Variants in FRMPD2 observed in about 807,000 individuals in gnomAD.
FRMPD2 encodes FERM and PDZ domain-containing protein 2.
In FRMPD2, 96 loss-of-function variants were observed where a neutral mutation model predicts 140.1. The observed-to-expected ratio is 0.69, with a 90% CI of 0.58 to 0.81. The LOEUF (loss-of-function observed/expected upper bound fraction) is 0.81. Among genes scored for constraint, FRMPD2 ranks in the 40% least tolerant of loss-of-function variants. The pLI is 0.00. For synonymous variants in FRMPD2, 449 were observed against 547.6 expected (o/e 0.82, Z 2.52); for missense variants, 1,240 against 1,447.4 (o/e 0.86, Z 2.32).
intron 12 of FRMPD2, among the ~76,000 whole-genome samples, chr10:48,214,939 T>A (rs1051462268): frequency 1.3e-5 from 2 of 152,218 alleles, no homozygotes. Flanking sequence ...GCAAATTGAA[T>A]GTGGTGAAGT....
At chr10:48,273,184 A>AT (rs1370392247) in intron 1 of FRMPD2, among the ~76,000 whole-genome samples, 3 of 152,122 alleles carry the variant, frequency 2.0e-5, no homozygotes, top group Non-Finnish European at 2.9e-5. Flanking sequence ...CCTTCTCTAC[A>AT]TTCCACTGTT....
chr10:48,164,404 G>A (rs1408547843), intron 27 of FRMPD2, among the ~76,000 whole-genome samples: 5 of 150,154 alleles, frequency 3.3e-5, no homozygotes, highest in South Asian at 4.2e-4. Flanking sequence ...TCTTTAACAT[G>A]TGTTCATTTT....
In FRMPD2 at chr10:48,206,969, C is replaced by A. The variant is rs770485197; in HGVS notation, c.1612-36G>T. On this transcript the variant is annotated intron_variant, in intron 13 of 28. Coordinates refer to ENST00000374201, the MANE Select transcript of FRMPD2 (RefSeq NM_001018071.4). The stretch of plus-strand genomic sequence containing the variant: ...AAAAGGCTGATTTAGAAGAGACAGG[C>A]ACATGGTTTAAAATAATGGGCCTCA... The A allele has an allele frequency of 1.4e-5, 23 of 1,599,428 alleles. No homozygotes were observed. In the Admixed American group the frequency reaches 3.8e-4, roughly 26 times the overall value.
intron 24 of FRMPD2, 28 bp downstream of exon 24, chr10:48,174,842 G>A: frequency 3.2e-6 from 2 of 628,146 alleles, no homozygotes; most frequent in South Asian, 3.9e-5. Flanking sequence ...CGGAAGGAGG[G>A]GAAGCTGGTC....
intron 13 of FRMPD2, 103 bp downstream of exon 13, chr10:48,211,851 G>T (rs1839329526): frequency 9.2e-7 from 1 of 1,089,496 alleles, no homozygotes; most frequent in Non-Finnish European, 1.3e-6. Flanking sequence ...ATGCCTCCTT[G>T]TGGGTCTGCA....
At chr10:48,186,885 A>G (rs117785010) in intron 17 of FRMPD2, among the ~76,000 whole-genome samples, 1,770 of 152,224 alleles carry the variant, frequency 0.012, 12 homozygotes, top group Non-Finnish European at 0.017. Flanking sequence ...TCTGGCCTGC[A>G]TAAAGAAGCA....
At chr10:48,236,287 C>T (rs750917052) in intron 9 of FRMPD2, among the ~76,000 whole-genome samples, 195 bp downstream of exon 9, 3 of 152,122 alleles carry the variant, frequency 2.0e-5, no homozygotes, top group African/African-American at 4.8e-5. Flanking sequence ...CTGGAAGTCA[C>T]GTGGGGCCCC....
At chr10:48,263,178 G>A (rs1239557233) in intron 1 of FRMPD2, among the ~76,000 whole-genome samples, 2 of 152,060 alleles carry the variant, frequency 1.3e-5, no homozygotes, top group Non-Finnish European at 2.9e-5. Flanking sequence ...TACTTATACA[G>A]AGACTTCTAA....
chr10:48,235,197 T>A lies in FRMPD2; in HGVS notation c.993+1285A>T, dbSNP rs1381583707. Among the ~76,000 whole-genome samples, 4 of 152,212 alleles carry A rather than the reference T, an allele frequency of 2.6e-5. No homozygotes were observed. The South Asian group carries it at 6.2e-4, about 24-fold the overall frequency. On this transcript the variant is annotated intron_variant, in intron 9 of 28. Transcript: ENST00000374201. ...CACACACCAGCCTCCTTAGCTTTAG[T>A]ATTTTCATGCTTTGGGTAACTCAAT...
rs559703505 is a variant in FRMPD2 at position 48,187,274 on chromosome 10, C to A, written c.2184G>T (p.Glu728Asp). Reference sequence around the variant, plus strand: ...GGATCACACAGGCACTCTTCAGCTGCTCCCGGCCAGTGCAGGGGCTGCCGG... The same window carrying A: ...GGATCACACAGGCACTCTTCAGCTGATCCCGGCCAGTGCAGGGGCTGCCGG... Reference protein sequence around the residue: ...GIGRSPCTGREQLKSACVIQK... With the variant: ...GIGRSPCTGRDQLKSACVIQK... Residue 728 changes from glutamate (E) to aspartate (D), a missense_variant, in exon 17 of 29, where the codon GAG becomes GAT. Coordinates refer to ENST00000374201, the MANE Select transcript of FRMPD2 (RefSeq NM_001018071.4). 6.2e-7 allele frequency: 1 copy of A among 1,614,056 alleles called. No individual in the cohort carries two copies. Among genetic ancestry groups the A allele is most frequent in the Admixed American group, 1.7e-5 (1 of 60,022 alleles).
intron 15 of FRMPD2, among the ~76,000 whole-genome samples, chr10:48,198,074 G>A (rs767440948): frequency 6.6e-6 from 1 of 152,162 alleles, no homozygotes; most frequent in East Asian, 1.9e-4. Flanking sequence ...ATAGCACTTC[G>A]TAAATGCTCC....
intron 14 of FRMPD2, 83 bp from the exon 15 acceptor site, chr10:48,201,467 C>T (rs774757739): frequency 7.1e-5 from 96 of 1,353,396 alleles, no homozygotes; most frequent in Non-Finnish European, 9.3e-5. Flanking sequence ...ATGCTCGGTC[C>T]CTTGGTTCCA....
intron 1 of FRMPD2, among the ~76,000 whole-genome samples, chr10:48,258,355 C>T (rs939206562): frequency 2.6e-5 from 4 of 152,212 alleles, no homozygotes; most frequent in African/African-American, 9.6e-5. Flanking sequence ...GTGAGTGATG[C>T]TGACATTGCA....
intron 16 of FRMPD2, among the ~76,000 whole-genome samples, chr10:48,190,295 G>A (rs752621111): frequency 2.6e-5 from 4 of 152,082 alleles, no homozygotes; most frequent in Non-Finnish European, 5.9e-5. Flanking sequence ...CTTGGGAGCC[G>A]TCTCCTCCAC....
intron 12 of FRMPD2, among the ~76,000 whole-genome samples, chr10:48,213,652 A>T (rs1836269923): frequency 6.6e-6 from 1 of 152,338 alleles, no homozygotes; most frequent in South Asian, 2.1e-4. Context: ...CTAAAAAAAA[A>T]ATGAGCTGTC....
At chr10:48,161,350 T>A (rs1837935659) in intron 28 of FRMPD2, among the ~76,000 whole-genome samples, 1 of 150,852 alleles carries the variant, frequency 6.6e-6, no homozygotes, top group Non-Finnish European at 1.5e-5. Flanking sequence ...AAATTTAATT[T>A]GGTTCAGAAA....
chr10:48,168,208 C>A, intron 27 of FRMPD2, among the ~76,000 whole-genome samples: 1 of 121,172 alleles, frequency 8.3e-6, no homozygotes, highest in African/African-American at 3.7e-5. Flanking sequence ...CTATTTCATG[C>A]TTTAGGAGGG....
intron 8 of FRMPD2, 32 bp from the exon 9 acceptor site, chr10:48,236,585 G>A: frequency 1.9e-6 from 3 of 1,602,950 alleles, no homozygotes; most frequent in Non-Finnish European, 2.6e-6. Context: ...TGGTAGAGAA[G>A]ACAACAGATT....
At chr10:48,245,264 T>G (rs965246780) in intron 3 of FRMPD2, among the ~76,000 whole-genome samples, 2 of 152,108 alleles carry the variant, frequency 1.3e-5, no homozygotes, top group Non-Finnish European at 2.9e-5. Flanking sequence ...CTGGGGAAGG[T>G]AGAATGGAAA....
Sources: allele counts gnomAD v4.1 joint callset (sites outside exome capture counted in the v4.1 genomes callset), GRCh38; gene constraint gnomAD v4.1.1; transcripts MANE v1.5; gene names NCBI Gene and HGNC (gene_info 2026-07-23, HGNC 2026-07-21).